APP: variants seen among roughly 807,000 people sequenced by gnomAD.
APP encodes the protein amyloid beta precursor protein.
APP carries 31 observed loss-of-function variants against 101.4 expected under a neutral mutation model. The observed-to-expected ratio is 0.31, with a 90% confidence interval of 0.23 to 0.41. The LOEUF (loss-of-function observed/expected upper bound fraction) is 0.41, where lower values mean the gene tolerates loss of function less well. Among genes scored for constraint, APP ranks in the 10% least tolerant of loss-of-function variants. APP has a pLI of 1.00. For missense variants in APP, 839 were observed against 1,003.7 expected (o/e 0.84, Z 2.22); for synonymous variants, 366 against 364.4 (o/e 1.00, Z -0.05).
chr21:25,903,027 C>T (rs1425474757), intron 15 of APP, among the ~76,000 whole-genome samples: 2 of 151,922 alleles, frequency 1.3e-5, no homozygotes, highest in Admixed American at 6.6e-5. Flanking sequence ...TGTTTGACAG[C>T]GTTTGGAGGT....
chr21:25,939,283 G>T (rs374011887), intron 13 of APP, among the ~76,000 whole-genome samples: 32 of 152,308 alleles, frequency 2.1e-4, no homozygotes, highest in African/African-American at 6.7e-4. Context: ...ACATCAAAGA[G>T]ATCTAGAAAG....
intron 3 of APP, among the ~76,000 whole-genome samples, chr21:26,058,387 C>T (rs61682658): frequency 6.6e-6 from 1 of 152,204 alleles, no homozygotes; most frequent in East Asian, 1.9e-4. Context: ...AGCACATTGT[C>T]ACCCTGAACA....
intron 5 of APP, among the ~76,000 whole-genome samples, chr21:26,042,922 A>C (rs2045439971): frequency 6.6e-6 from 1 of 152,186 alleles, no homozygotes; most frequent in East Asian, 1.9e-4. Flanking sequence ...TCCTAAAAAA[A>C]AAAATCACTT....
At chr21:25,895,870 A>C (rs755964446) in intron 16 of APP, among the ~76,000 whole-genome samples, 73 of 152,346 alleles carry the variant, frequency 4.8e-4, no homozygotes, top group Admixed American at 7.2e-4. Context: ...CTTTAAGAAA[A>C]TACTGTAATT....
chr21:25,892,599 T>G (rs2037769767), intron 16 of APP, among the ~76,000 whole-genome samples: 1 of 152,250 alleles, frequency 6.6e-6, no homozygotes, highest in Non-Finnish European at 1.5e-5. Context: ...TCATGCTTTC[T>G]AACTATTGTC....
intron 11 of APP, among the ~76,000 whole-genome samples, chr21:25,967,370 T>C (rs1349989352): frequency 1.3e-5 from 2 of 152,206 alleles, no homozygotes; most frequent in Admixed American, 6.5e-5. Flanking sequence ...GTTTCCTAAT[T>C]CTCACTTCCC....
chr21:25,895,463 C>T (rs2037976446), intron 16 of APP, among the ~76,000 whole-genome samples: 1 of 152,070 alleles, frequency 6.6e-6, no homozygotes, highest in Non-Finnish European at 1.5e-5. Context: ...CGTGCCTGGC[C>T]AACATAACTT....
At chr21:25,997,303 T>C (rs2043092358) in intron 8 of APP, 57 bp downstream of exon 8, 1 of 1,514,308 alleles carries the variant, frequency 6.6e-7, no homozygotes, top group African/African-American at 1.4e-5. Context: ...TGGAGTTATG[T>C]GAACCAAGCA....
intron 17 of APP, among the ~76,000 whole-genome samples, chr21:25,884,788 T>C (rs536112694): frequency 2.0e-5 from 3 of 152,322 alleles, no homozygotes; most frequent in Middle Eastern, 3.4e-3. Context: ...TGTTGGAATA[T>C]TATACTTTTA....
chr21:26,116,427 C>T (rs550078870), intron 1 of APP, among the ~76,000 whole-genome samples: 1 of 152,302 alleles, frequency 6.6e-6, no homozygotes, highest in East Asian at 1.9e-4. Context: ...GACCAGTCTG[C>T]AGATGTGAAT....
intron 3 of APP, among the ~76,000 whole-genome samples, chr21:26,075,150 T>G (rs2061478772): frequency 6.6e-6 from 1 of 152,234 alleles, no homozygotes; most frequent in Non-Finnish European, 1.5e-5. Flanking sequence ...TTTCCAATAT[T>G]TGGCTACATC....
chr21:26,016,676 A>G (rs775438471), intron 6 of APP, among the ~76,000 whole-genome samples: 7 of 152,096 alleles, frequency 4.6e-5, no homozygotes, highest in Non-Finnish European at 8.8e-5. Context: ...GGTTCAAGCG[A>G]TTCTCCTGCC....
intron 13 of APP, among the ~76,000 whole-genome samples, chr21:25,952,187 TACATACAC>T (rs1486466319): frequency 1.8e-5 from 2 of 111,094 alleles, no homozygotes; most frequent in African/African-American, 5.8e-5. Context: ...GCATATTACA[TACATACAC>T]ACACACACAC....
Position 25,897,683 on chromosome 21 carries a change from A to G in APP, c.1964-10T>C. On this transcript the variant is annotated splice_polypyrimidine_tract_variant and intron_variant, in intron 15 of 17. Coordinates refer to ENST00000346798, the MANE Select transcript of APP (RefSeq NM_000484.4). ...TTTGTCAACCCAGAACCTGTATTAC[A>G]TCATAATTAAAGTATGCAGGACAAC... is the stretch of plus-strand genomic sequence containing the variant. 1 of 1,598,060 alleles carries G rather than the reference A, an allele frequency of 6.3e-7. No homozygotes were observed. The highest frequency in any genetic ancestry group is 8.6e-7 in the Non-Finnish European group (1 of 1,165,592).
At chr21:26,098,696 A>C (rs1177538372) in intron 2 of APP, among the ~76,000 whole-genome samples, 1 of 152,260 alleles carries the variant, frequency 6.6e-6, no homozygotes, top group Non-Finnish European at 1.5e-5. Context: ...AATTGCTACT[A>C]ATTCTGAAAA....
chr21:25,925,929 T>C (rs566507580), intron 13 of APP, among the ~76,000 whole-genome samples: 3 of 152,280 alleles, frequency 2.0e-5, no homozygotes, highest in Non-Finnish European at 4.4e-5. Flanking sequence ...AGAGCAAGGC[T>C]CTGTCTCACA....
At chr21:25,943,615 A>AT (rs1168171235) in intron 13 of APP, among the ~76,000 whole-genome samples, 1 of 150,440 alleles carries the variant, frequency 6.6e-6, no homozygotes, top group Non-Finnish European at 1.5e-5. Flanking sequence ...TGCCCGGCTA[A>AT]TTTTTTTATT....
At chr21:26,140,133 A>T in intron 1 of APP, 5 of 1,489,432 alleles carry the variant, frequency 3.4e-6, no homozygotes, top group Non-Finnish European at 4.5e-6. Flanking sequence ...AACAATGCCA[A>T]CTTCACAGTA....
intron 15 of APP, among the ~76,000 whole-genome samples, chr21:25,902,404 A>G (rs1182000653): frequency 6.6e-6 from 1 of 152,246 alleles, no homozygotes; most frequent in Non-Finnish European, 1.5e-5. Flanking sequence ...TAAACTTACT[A>G]CAAGCACAAA....
Sources: gnomAD v4.1 joint callset for allele counts (sites outside exome capture counted in the v4.1 genomes callset) on GRCh38, gnomAD v4.1.1 for gene constraint, MANE v1.5 for transcripts, NCBI Gene and HGNC (gene_info 2026-07-23, HGNC 2026-07-21) for gene names.